The following MASP1 variants were observed in gnomAD, a reference collection of about 807,000 sequenced individuals.
MASP1 encodes the protein MBL associated serine protease 1, also known as mannan-binding lectin serine protease 1.
MASP1 carries 59 observed loss-of-function variants against 77.1 expected under a neutral mutation model. That is an observed-to-expected ratio of 0.77 (90% CI 0.62 to 0.95). The LOEUF (loss-of-function observed/expected upper bound fraction) is 0.95, where lower values mean the gene tolerates loss of function less well. Ranked by LOEUF, MASP1 falls within the 40% of genes least tolerant of loss-of-function variation. MASP1 has a pLI of 0.00. For missense variants in MASP1, 885 were observed against 912.9 expected, an observed-to-expected ratio of 0.97 and a Z score of 0.39; for synonymous variants, 362 against 354.5, an observed-to-expected ratio of 1.02 and a Z score of -0.24.
At position 187,247,343 on chromosome 3, in the gene MASP1, A is replaced by G. The variant is rs772668959; in HGVS notation, c.1090+2908T>C. On this transcript the variant is annotated intron_variant, in intron 8 of 10. Transcript: ENST00000296280. ...GTGGGGTCCCGTCATTCACTCTGTC[A>G]CTTGCTCTGACTTGAGTTCGCTCTC... 4.3e-6 allele frequency: 7 copies of G among 1,613,872 alleles called. No homozygotes were observed. The Admixed American group carries it at 1.0e-4, about 23-fold the overall frequency.
chr3:187,287,655 G>T (rs1187929261), intron 1 of MASP1, among the ~76,000 whole-genome samples: 1 of 152,164 alleles, frequency 6.6e-6, no homozygotes, highest in East Asian at 1.9e-4. Context: ...GTATATAAAG[G>T]TCCCAGTACA....
chr3:187,290,145 T>G (rs1440197737), intron 1 of MASP1, among the ~76,000 whole-genome samples: 2 of 151,214 alleles, frequency 1.3e-5, no homozygotes, highest in Non-Finnish European at 2.9e-5. Context: ...TAAGGGGAGG[T>G]GGACATTTAA....
At chr3:187,241,366 G>A in intron 10 of MASP1, 115 bp downstream of exon 10, 1 of 835,828 alleles carries the variant, frequency 1.2e-6, no homozygotes, top group Non-Finnish European at 2.1e-6. Flanking sequence ...CTCTTAAAAA[G>A]CAACCAAAGC....
exon 16 of MASP1, chr3:187,218,132 C>T (rs1159767587): frequency 6.6e-6 from 1 of 152,274 alleles, no homozygotes. Context: ...TATCTCCTCC[C>T]CCAAAACCTT....
In MASP1 at chr3:187,238,752, C is replaced by T. The variant is rs566115640; in HGVS notation, c.1304-2185G>A. 2.6e-4 allele frequency among the ~76,000 whole-genome samples: 40 copies of T among 152,224 alleles called. No homozygotes were observed. In the South Asian group the frequency reaches 8.3e-3, roughly 32 times the overall value. On this transcript the variant is annotated intron_variant, in intron 10 of 10. Transcript: ENST00000296280. ...CTGCCCCTGACTTTCTACAAGTAGC[C>T]TTGTGCAAATCACTACACTATTCTG...
intron 8 of MASP1, among the ~76,000 whole-genome samples, chr3:187,249,739 T>G (rs995036426): frequency 2.0e-4 from 31 of 152,252 alleles, no homozygotes; most frequent in Non-Finnish European, 4.4e-4. Flanking sequence ...GCAAGAACTC[T>G]GGGTCCCAGG....
At chr3:187,284,651 A>G (rs1438730128) in intron 2 of MASP1, among the ~76,000 whole-genome samples, 1 of 152,200 alleles carries the variant, frequency 6.6e-6, no homozygotes, top group Non-Finnish European at 1.5e-5. Flanking sequence ...TCAGTGGAGA[A>G]TAGCTTGGGA....
Position 187,243,862 on chromosome 3 carries a change from G to A in MASP1, c.1091-241C>T, listed in dbSNP as rs1713861329. On this transcript the variant is annotated intron_variant, in intron 8 of 10. Transcript: ENST00000296280. The stretch of plus-strand genomic sequence containing the variant: ...GTACTACTGTGTGGTCAACTCACCT[G>A]CCCAGTGTCAATTTTGGGTAGGGGA... The A allele has an allele frequency of 5.4e-6, 3 of 551,562 alleles. No individual in the cohort carries two copies. In the East Asian group the frequency reaches 9.8e-5, roughly 18 times the overall value. 34.2% of individuals were successfully genotyped at this position (551,562 alleles called of 1,614,324 possible).
In MASP1 at chr3:187,234,325, A is replaced by G. The variant is rs1253160323; in HGVS notation, c.*1359T>C. ...GCTCTGATGGAGATTTTCAGGAGAGAGAGCTCCAGGGAGAAGGAGAACAAT... is the reference window on the plus strand; with the variant it reads ...GCTCTGATGGAGATTTTCAGGAGAGGGAGCTCCAGGGAGAAGGAGAACAAT... On this transcript the variant is annotated 3_prime_UTR_variant, in exon 11 of 11. Transcript: ENST00000296280. 3.1e-6 allele frequency: 4 copies of G among 1,287,092 alleles called. No individual in the cohort carries two copies. The highest frequency in any genetic ancestry group is 4.0e-6 in the Non-Finnish European group (4 of 988,710). 79.7% of individuals were successfully genotyped at this position (1,287,092 alleles called of 1,614,324 possible).
At chr3:187,275,665 C>T (rs1716902006) in intron 2 of MASP1, among the ~76,000 whole-genome samples, 1 of 152,128 alleles carries the variant, frequency 6.6e-6, no homozygotes, top group Admixed American at 6.5e-5. Flanking sequence ...TGTGAAAACT[C>T]ATTACTTCCT....
chr3:187,229,156 C>T (rs895085059), downstream of MASP1, among the ~76,000 whole-genome samples: 3 of 152,180 alleles, frequency 2.0e-5, no homozygotes, highest in Non-Finnish European at 4.4e-5. Context: ...GGAGAGCCAT[C>T]GGCTGTTCTC....
chr3:187,272,972 G>A (rs1409775891), intron 2 of MASP1, among the ~76,000 whole-genome samples: 2 of 152,120 alleles, frequency 1.3e-5, no homozygotes, highest in African/African-American at 2.4e-5. Context: ...TAGGATGGGA[G>A]GTGATATACA....
intron 10 of MASP1, 34 bp from the exon 11 acceptor site, chr3:187,236,601 C>G: frequency 6.2e-7 from 1 of 1,613,334 alleles, no homozygotes; most frequent in African/African-American, 1.3e-5. Context: ...GGACAAGAGA[C>G]AGAGACTGGT....
chr3:187,286,950 A>T (rs1579596312), intron 1 of MASP1, among the ~76,000 whole-genome samples: 1 of 152,134 alleles, frequency 6.6e-6, no homozygotes, highest in South Asian at 2.1e-4. Context: ...TCATCTTTTC[A>T]TTTACCCCAG....
At chr3:187,217,642 G>C (rs1179051166) in exon 16 of MASP1, 2 of 152,240 alleles carry the variant, frequency 1.3e-5, no homozygotes, top group Non-Finnish European at 2.9e-5. Context: ...AGACAAGGTT[G>C]TTGTCCTCAC....
intron 3 of MASP1, 93 bp from the exon 4 acceptor site, chr3:187,260,965 A>T: frequency 5.8e-6 from 8 of 1,383,728 alleles, no homozygotes; most frequent in Non-Finnish European, 8.2e-6. Flanking sequence ...GCCACTCACT[A>T]TGTTAGGAGA....
chr3:187,283,597 CA>C lies in MASP1; in HGVS notation c.237+2227del, dbSNP rs961943250. Among the ~76,000 whole-genome samples, 34 of 152,132 alleles carry C rather than the reference CA, an allele frequency of 2.2e-4. 1 individual carries two copies. Among genetic ancestry groups the C allele is most frequent in the African/African-American group, 7.7e-4 (32 of 41,516 alleles). On this transcript the variant is annotated intron_variant, in intron 2 of 10. Coordinates refer to ENST00000296280, the MANE Select transcript of MASP1 (RefSeq NM_139125.4). Reference sequence around the variant, plus strand: ...AGAAGAAGTCATCCCTACAACTGAGCAAAAAAATTCTATAATTTCTGTGATC... The same window carrying C: ...AGAAGAAGTCATCCCTACAACTGAGCAAAAAATTCTATAATTTCTGTGATC...
chr3:187,234,010 C>G (rs552281944), downstream of MASP1: 1 of 1,094,304 alleles, frequency 9.1e-7, no homozygotes, highest in Non-Finnish European at 1.2e-6. Flanking sequence ...ATGAGGAGAC[C>G]AATTTCTTTT....
At chr3:187,241,695 T>G in intron 9 of MASP1, 140 bp from the exon 10 acceptor site, 1 of 672,458 alleles carries the variant, frequency 1.5e-6, no homozygotes, top group Non-Finnish European at 2.8e-6. Flanking sequence ...CAGATACGAT[T>G]GTCTCTGAGC....
Sources: allele counts gnomAD v4.1 joint callset (sites outside exome capture counted in the v4.1 genomes callset), GRCh38; gene constraint gnomAD v4.1.1; transcripts MANE v1.5; gene names NCBI Gene and HGNC (gene_info 2026-07-23, HGNC 2026-07-21).